FGF3: variants seen among roughly 807,000 people sequenced by gnomAD.
FGF3 encodes the protein fibroblast growth factor 3.
FGF3 carries 7 observed loss-of-function variants against 9.8 expected under a neutral mutation model. The ratio of observed to expected loss-of-function variants is 0.72; its 90% CI spans 0.41 to 1.35. The LOEUF (loss-of-function observed/expected upper bound fraction) is 1.35, where lower values mean the gene tolerates loss of function less well. Among genes scored for constraint, FGF3 ranks in the 40% most tolerant of loss-of-function variants. The pLI is 0.01. For synonymous variants in FGF3, 173 were observed against 157.2 expected (o/e 1.10, Z -0.75); for missense variants, 390 against 345.6 (o/e 1.13, Z -1.02).
chr11:69,814,628 A>C lies in FGF3; in HGVS notation c.324+1692T>G, dbSNP rs570604787. On this transcript the variant is annotated intron_variant, in intron 2 of 2. Transcript: ENST00000334134. Reference sequence around the variant, plus strand: ...ACTCCTAGGCAAGCTGGCCGCACGCAGGACTGTGGTATCAGGTGGCAGGTG... The same window carrying C: ...ACTCCTAGGCAAGCTGGCCGCACGCCGGACTGTGGTATCAGGTGGCAGGTG... Among the ~76,000 whole-genome samples the C allele has an allele frequency of 2.1e-3, 318 of 152,238 alleles. 5 individuals are homozygous for C. Among genetic ancestry groups the C allele is most frequent in the African/African-American group, 6.5e-3 (270 of 41,510 alleles).
At chr11:69,811,313 G>A (rs1266734806) in intron 2 of FGF3, among the ~76,000 whole-genome samples, 2 of 152,152 alleles carry the variant, frequency 1.3e-5, no homozygotes, top group Admixed American at 1.3e-4. Flanking sequence ...AGCCGGGTGT[G>A]GTGGCGTGCG....
Position 69,810,208 on chromosome 11 carries a change from G to A in FGF3, c.*97C>T, listed in dbSNP as rs941457067. On this transcript the variant is annotated 3_prime_UTR_variant, in exon 3 of 3. Coordinates refer to ENST00000334134, the MANE Select transcript of FGF3 (RefSeq NM_005247.4). The stretch of plus-strand genomic sequence containing the variant: ...TGGAAATAGCTGAGAACCCAGACGC[G>A]GGACGCAGGGGCAAGGGCTCAAGGA... 2.3e-5 allele frequency: 27 copies of A among 1,196,224 alleles called. No individual in the cohort carries two copies. Among genetic ancestry groups the A allele is most frequent in the South Asian group, 3.1e-5 (2 of 63,556 alleles). The allele number at this position is 1,196,224 out of a possible 1,614,324, so 74.1% of individuals were successfully genotyped here.
intron 2 of FGF3, 133 bp downstream of exon 2, chr11:69,816,187 G>T: frequency 2.6e-6 from 2 of 770,130 alleles, no homozygotes; most frequent in Non-Finnish European, 4.6e-6. Context: ...CCTGGGCCAG[G>T]GTCTGGTCCT....
In FGF3 at chr11:69,813,800, A is replaced by ATGGATGGG. The variant is rs1416300857; in HGVS notation, c.324+2512_324+2519dup. 9.7e-4 allele frequency among the ~76,000 whole-genome samples: 115 copies of ATGGATGGG among 118,312 alleles called. 4 individuals are homozygous for ATGGATGGG. Among genetic ancestry groups the ATGGATGGG allele is most frequent in the South Asian group, 2.7e-3 (9 of 3,296 alleles). The allele number at this position is 118,312 out of a possible 152,430, so 77.6% of individuals were successfully genotyped here. A position where few individuals can be genotyped will look rare whatever the true frequency, so the allele number is the denominator to read the frequency against. ...GATGGATGGATGGATGGATGGATGG[A>ATGGATGGG]TGGATGGGTGGATGGGTGGATGGGT... On this transcript the variant is annotated intron_variant, in intron 2 of 2. Transcript: ENST00000334134.
Position 69,810,560 on chromosome 11 carries a change from C to A in FGF3, c.465G>T (p.Val155=), listed in dbSNP as rs1856009534. 7 of 1,612,792 alleles carry A rather than the reference C, an allele frequency of 4.3e-6. 1 individual carries two copies. Among genetic ancestry groups the A allele is most frequent in the Middle Eastern group, 1.7e-4 (1 of 6,060 alleles). Residue 155 remains valine, a synonymous_variant, in exon 3 of 3, where the codon GTG becomes GTT. Transcript: ENST00000334134. The stretch of plus-strand genomic sequence containing the variant: ...GGGGCCGGCCCTTGCCGTTCACAGA[C>A]ACGTACCACAGTCTCTCGGCGCTGG... ...RQPSAERLWY[V]SVNGKGRPRR... is the part of the protein sequence containing the mutation.
intron 1 of FGF3, among the ~76,000 whole-genome samples, chr11:69,818,017 C>G (rs1856168739): frequency 6.6e-6 from 1 of 152,218 alleles, no homozygotes; most frequent in East Asian, 1.9e-4. Flanking sequence ...CCGCACGTCC[C>G]GACGGCGAGG....
intron 2 of FGF3, among the ~76,000 whole-genome samples, chr11:69,813,716 ATAGG>A (rs1298578831): frequency 5.3e-5 from 6 of 113,362 alleles, no homozygotes; most frequent in East Asian, 2.9e-4. Context: ...GGATGGATGG[ATAGG>A]TGGATGGATG....
rs955545489 is a variant in FGF3 at position 69,810,761 on chromosome 11, G to C, written c.325-61C>G. ...GAGACTGTGGCAGCGTCAGGGCCCA[G>C]GGTTGCCTGATGCCTCCCTCCCCTC... On this transcript the variant is annotated intron_variant, in intron 2 of 2. Coordinates refer to ENST00000334134, the MANE Select transcript of FGF3 (RefSeq NM_005247.4). 2.1e-6 allele frequency: 3 copies of C among 1,450,014 alleles called. No individual in the cohort carries two copies. The African/African-American group carries it at 4.3e-5, about 21-fold the overall frequency. 89.8% of individuals were successfully genotyped at this position (1,450,014 alleles called of 1,614,324 possible).
chr11:69,817,969 C>T (rs547273097), intron 1 of FGF3, among the ~76,000 whole-genome samples: 2 of 152,366 alleles, frequency 1.3e-5, no homozygotes, highest in South Asian at 2.1e-4. Flanking sequence ...TGTGTCTGCA[C>T]CCCCAGGCCC....
In FGF3 at chr11:69,818,766, G is replaced by A; in HGVS notation, c.168C>T (p.Leu56=). 2 of 1,497,384 alleles carry A rather than the reference G, an allele frequency of 1.3e-6. No homozygotes were observed. Among genetic ancestry groups the A allele is most frequent in the Non-Finnish European group, 1.8e-6 (2 of 1,129,974 alleles). The allele number at this position is 1,497,384 out of a possible 1,614,324, so 92.8% of individuals were successfully genotyped here. A position where few individuals can be genotyped will look rare whatever the true frequency, so the allele number is the denominator to read the frequency against. ...RKLYCATKYH[L]QLHPSGRVNG... ...TGACGCGGCCGCTCGGGTGCAGCTG[G>A]AGGTGGTACTTCGTGGCGCAGTAGA... is the stretch of plus-strand genomic sequence containing the variant. The change falls in exon 1 of 3, where the codon CTC becomes CTT. Residue 56 remains leucine (L), a synonymous_variant. Transcript: ENST00000334134.
chr11:69,818,746 C>T lies in FGF3; in HGVS notation c.188G>A (p.Arg63His), dbSNP rs929527246. ...GCTGTTCTCCAGGCTGCCGTTGACG[C>T]GGCCGCTCGGGTGCAGCTGGAGGTG... ...KYHLQLHPSG[R>H]VNGSLENSAY... The change falls in exon 1 of 3, where the codon CGC becomes CAC. Residue 63 changes from arginine (R) to histidine (H), a missense_variant. Coordinates refer to ENST00000334134, the MANE Select transcript of FGF3 (RefSeq NM_005247.4). 21 of 1,494,258 alleles carry T rather than the reference C, an allele frequency of 1.4e-5. No homozygotes were observed. Among genetic ancestry groups the T allele is most frequent in the African/African-American group, 2.9e-5 (2 of 68,762 alleles). The allele number at this position is 1,494,258 out of a possible 1,614,324, so 92.6% of individuals were successfully genotyped here. A position where few individuals can be genotyped will look rare whatever the true frequency, so the allele number is the denominator to read the frequency against.
chr11:69,810,775 CT>C, intron 2 of FGF3, 75 bp from the exon 3 acceptor site: 1 of 1,341,398 alleles, frequency 7.5e-7, no homozygotes, highest in Non-Finnish European at 1.0e-6. Flanking sequence ...TGCCTGATGC[CT>C]CCCTCCCCTC....
At position 69,819,391 on chromosome 11, in the gene FGF3, A is replaced by G. The variant is rs1856203113; in HGVS notation, c.-458T>C. Among the ~76,000 whole-genome samples the G allele has an allele frequency of 6.6e-6, 1 of 150,400 alleles. No individual in the cohort carries two copies. The highest frequency in any genetic ancestry group is 2.5e-5 in the African/African-American group (1 of 40,776). On this transcript the variant is annotated 5_prime_UTR_variant, in exon 1 of 3. Coordinates refer to ENST00000334134, the MANE Select transcript of FGF3 (RefSeq NM_005247.4). ...GCGGCTCCGCTCCGCAGCGCGCCCC[A>G]CGCCCCCGAAAGCCCTCCTGGCTCT...
chr11:69,813,147 C>A (rs1376183684), intron 2 of FGF3, among the ~76,000 whole-genome samples: 1 of 152,330 alleles, frequency 6.6e-6, no homozygotes, highest in East Asian at 1.9e-4. Flanking sequence ...GAAGCCGACT[C>A]CGAAGCTGCT....
intron 1 of FGF3, among the ~76,000 whole-genome samples, chr11:69,817,743 C>T (rs1421445287): frequency 6.6e-6 from 1 of 152,092 alleles, no homozygotes; most frequent in Non-Finnish European, 1.5e-5. Context: ...GAGCCGAGCG[C>T]CGCGCGGAGC....
chr11:69,812,178 G>A (rs1278136548), intron 2 of FGF3, among the ~76,000 whole-genome samples: 2 of 152,138 alleles, frequency 1.3e-5, no homozygotes, highest in East Asian at 1.9e-4. Flanking sequence ...CTGGGGACTG[G>A]CCGCAGGGAG....
intron 2 of FGF3, among the ~76,000 whole-genome samples, chr11:69,815,131 A>T (rs60104982): frequency 1.3e-5 from 1 of 77,160 alleles, no homozygotes; most frequent in East Asian, 4.9e-4. Context: ...GGATGGATGG[A>T]TGGATAGGTG....
In FGF3 at chr11:69,819,015, C is replaced by G. The variant is rs1856194458; in HGVS notation, c.-82G>C. On this transcript the variant is annotated 5_prime_UTR_variant, in exon 1 of 3. Transcript: ENST00000334134. ...GGAAGGGGCGGCAGCCGGACAGCTG[C>G]GAGGTGCTCGGAGCGGGATCCCGCG... 5.4e-6 allele frequency: 5 copies of G among 924,186 alleles called. No individual in the cohort carries two copies. Among genetic ancestry groups the G allele is most frequent in the Admixed American group, 7.3e-5 (2 of 27,568 alleles). The allele number at this position is 924,186 out of a possible 1,614,324, so 57.2% of individuals were successfully genotyped here.
At position 69,810,680 on chromosome 11, in the gene FGF3, G is replaced by A. The variant is rs116162988; in HGVS notation, c.345C>T (p.Cys115=). The A allele has an allele frequency of 6.3e-6, 10 of 1,590,654 alleles. No individual in the cohort carries two copies. The highest frequency in any genetic ancestry group is 2.3e-5 in the South Asian group (2 of 88,694). ...GCTCGTGGATCCGCTCCACAAACTCGCACTCGGCGCTGTAGTGCTCCTGCG... is the reference window on the plus strand; with the variant it reads ...GCTCGTGGATCCGCTCCACAAACTCACACTCGGCGCTGTAGTGCTCCTGCG... ...LYASEHYSAE[C]EFVERIHELG... The change falls in exon 3 of 3, where the codon TGC becomes TGT. Residue 115 remains cysteine (C), a synonymous_variant. Coordinates refer to ENST00000334134, the MANE Select transcript of FGF3 (RefSeq NM_005247.4).
Sources: gnomAD v4.1 joint callset for allele counts (sites outside exome capture counted in the v4.1 genomes callset) on GRCh38, gnomAD v4.1.1 for gene constraint, MANE v1.5 for transcripts, NCBI Gene and HGNC (gene_info 2026-07-23, HGNC 2026-07-21) for gene names.